GASK1A: variants seen among roughly 807,000 people sequenced by gnomAD.
GASK1A encodes the protein Golgi-associated kinase 1A.
GASK1A carries 40 observed loss-of-function variants against 41.2 expected under a neutral mutation model. That is an observed-to-expected ratio of 0.97 (90% CI 0.75 to 1.27). The LOEUF (loss-of-function observed/expected upper bound fraction) is 1.27. GASK1A is among the 50% of genes most tolerant of loss of function. The probability of loss-of-function intolerance (pLI) is 0.00; values close to 1 mark genes in which losing one functional copy is unlikely to be tolerated. For synonymous variants in GASK1A, 316 were observed against 307.1 expected, an observed-to-expected ratio of 1.03 and a Z score of -0.30; for missense variants, 678 against 745.1, an observed-to-expected ratio of 0.91 and a Z score of 1.05.
Position 42,979,594 on chromosome 3 carries a change from G to A in GASK1A, c.-49G>A. The A allele has an allele frequency of 8.1e-7, 1 of 1,240,428 alleles. No individual in the cohort carries two copies. Among genetic ancestry groups the A allele is most frequent in the Non-Finnish European group, 1.0e-6 (1 of 987,670 alleles). 76.8% of individuals were successfully genotyped at this position (1,240,428 alleles called of 1,614,324 possible). A position where few individuals can be genotyped will look rare whatever the true frequency, so the allele number is the denominator to read the frequency against. Reference sequence around the variant, plus strand: ...GGCCAAGGGGAGGCGGGATGAGTCTGCGAGCCGGCTGAGCGCGCCGAGGAG... The same window carrying A: ...GGCCAAGGGGAGGCGGGATGAGTCTACGAGCCGGCTGAGCGCGCCGAGGAG... On this transcript the variant is annotated 5_prime_UTR_variant, in exon 1 of 5. Transcript: ENST00000430121.
Position 43,056,454 on chromosome 3 carries a change from TGAG to T in GASK1A, c.*71_*73del. 2 of 1,358,720 alleles carry T rather than the reference TGAG, an allele frequency of 1.5e-6. No individual in the cohort carries two copies. Among genetic ancestry groups the T allele is most frequent in the Non-Finnish European group, 9.9e-7 (1 of 1,015,036 alleles). The allele number at this position is 1,358,720 out of a possible 1,614,324, so 84.2% of individuals were successfully genotyped here. ...CACATTTTCTTGGGCTCACTCATCTTGAGGACAAATGGGAAAAGCCAGAAGCCA... is the reference window on the plus strand; with the variant it reads ...CACATTTTCTTGGGCTCACTCATCTTGACAAATGGGAAAAGCCAGAAGCCA... On this transcript the variant is annotated 3_prime_UTR_variant, in exon 5 of 5. Transcript: ENST00000430121.
At chr3:42,993,860 A>G (rs1022334728) in intron 1 of GASK1A, among the ~76,000 whole-genome samples, 33 of 152,268 alleles carry the variant, frequency 2.2e-4, no homozygotes, top group Non-Finnish European at 4.1e-4. Context: ...ATTGTAGCAT[A>G]ACAACACAAT....
chr3:43,051,456 A>G (rs562222693), intron 2 of GASK1A, among the ~76,000 whole-genome samples: 2 of 152,216 alleles, frequency 1.3e-5, no homozygotes, highest in South Asian at 2.1e-4. Flanking sequence ...GTGCTTGTAT[A>G]GTCTCAAGGT....
At chr3:42,979,694 A>G (rs550825466) in intron 1 of GASK1A, 49 bp downstream of exon 1, 8 of 1,245,282 alleles carry the variant, frequency 6.4e-6, no homozygotes, top group Non-Finnish European at 8.1e-6. Context: ...GGCGATCACC[A>G]GGACAGGTGG....
rs866589678 is a variant in GASK1A at position 43,033,339 on chromosome 3, G to A, written c.1076G>A (p.Arg359Gln). The A allele has an allele frequency of 2.6e-5, 41 of 1,551,182 alleles. No homozygotes were observed. Among genetic ancestry groups the A allele is most frequent in the South Asian group, 5.9e-5 (5 of 84,034 alleles). ...RRFHSPLLPY[R>Q]YTDGGARPVI... ...TTCCATAGCCCCCTCCTGCCCTACC[G>A]ATACACAGACGGTGGAGCAAGGCCT... The change falls in exon 2 of 5, where the codon CGA (arginine) becomes CAA (glutamine). Residue 359 changes from arginine to glutamine, a missense_variant. Transcript: ENST00000430121.
intron 2 of GASK1A, among the ~76,000 whole-genome samples, chr3:43,035,906 G>A (rs956613563): frequency 6.6e-6 from 1 of 152,242 alleles, no homozygotes; most frequent in Non-Finnish European, 1.5e-5. Context: ...GGGCTGAGAA[G>A]CAGCCTGGAT....
At position 43,033,404 on chromosome 3, in the gene GASK1A, C is replaced by A; in HGVS notation, c.1141C>A (p.Pro381Thr). 2.6e-6 allele frequency: 4 copies of A among 1,551,604 alleles called. No individual in the cohort carries two copies. The highest frequency in any genetic ancestry group is 3.5e-6 in the Non-Finnish European group (4 of 1,146,992). Reference sequence around the variant, plus strand: ...ACCCGATGTGCAGCACCTGAGCGACCCAGATGAGGATCAGAACTCTCTGGC... The same window carrying A: ...ACCCGATGTGCAGCACCTGAGCGACACAGATGAGGATCAGAACTCTCTGGC... ...WAPDVQHLSD[P>T]DEDQNSLALG... Residue 381 changes from proline (P) to threonine (T), a missense_variant, in exon 2 of 5, where the codon CCA becomes ACA. Coordinates refer to ENST00000430121, the MANE Select transcript of GASK1A (RefSeq NM_001129908.3).
chr3:43,032,879 G>T lies in GASK1A; in HGVS notation c.616G>T (p.Ala206Ser). ...AGCAGAAGGCAGGGATCTGCTGGGA[G>T]CTGAGAACAGAGCCTTGACTGGTGG... Reference protein sequence around the residue: ...HTAEGRDLLGAENRALTGGQQ... With the variant: ...HTAEGRDLLGSENRALTGGQQ... Residue 206 changes from alanine to serine, a missense_variant, in exon 2 of 5, where the codon GCT becomes TCT. Physicochemically the swap from Ala to Ser is moderately conservative, Grantham distance 99. Coordinates refer to ENST00000430121, the MANE Select transcript of GASK1A (RefSeq NM_001129908.3). The T allele has an allele frequency of 6.4e-7, 1 of 1,550,448 alleles. No homozygotes were observed. The highest frequency in any genetic ancestry group is 8.7e-7 in the Non-Finnish European group (1 of 1,147,012).
Position 43,033,413 on chromosome 3 carries a change from G to A in GASK1A, c.1150G>A (p.Asp384Asn), listed in dbSNP as rs958646266. Reference sequence around the variant, plus strand: ...GCAGCACCTGAGCGACCCAGATGAGGATCAGAACTCTCTGGCCTTGGGCTG... The same window carrying A: ...GCAGCACCTGAGCGACCCAGATGAGAATCAGAACTCTCTGGCCTTGGGCTG... The part of the protein sequence containing the change: ...DVQHLSDPDE[D>N]QNSLALGWLQ... The change falls in exon 2 of 5, where the codon GAT becomes AAT. Residue 384 changes from aspartate to asparagine, a missense_variant. Physicochemically the swap from Asp to Asn is conservative, Grantham distance 23. Transcript: ENST00000430121. 52 of 1,551,482 alleles carry A rather than the reference G, an allele frequency of 3.4e-5. No individual in the cohort carries two copies. The Admixed American group carries it at 3.9e-4, about 12-fold the overall frequency.
chr3:43,004,975 A>G (rs765110479), intron 1 of GASK1A, among the ~76,000 whole-genome samples: 4 of 152,158 alleles, frequency 2.6e-5, no homozygotes, highest in Non-Finnish European at 5.9e-5. Flanking sequence ...TGCCACCTCT[A>G]TCCTTTAGAG....
At chr3:42,994,122 C>T (rs1455042666) in intron 1 of GASK1A, among the ~76,000 whole-genome samples, 2 of 152,132 alleles carry the variant, frequency 1.3e-5, no homozygotes, top group East Asian at 3.9e-4. Flanking sequence ...TGGACTTAGC[C>T]CTTGCATTTT....
At chr3:43,001,917 C>A (rs917269093) in intron 1 of GASK1A, among the ~76,000 whole-genome samples, 2 of 152,172 alleles carry the variant, frequency 1.3e-5, no homozygotes, top group Non-Finnish European at 2.9e-5. Flanking sequence ...CACCCTCTTT[C>A]CCACCCGCAG....
chr3:42,986,244 T>A (rs1387433563), intron 1 of GASK1A, among the ~76,000 whole-genome samples: 2 of 152,188 alleles, frequency 1.3e-5, no homozygotes, highest in African/African-American at 4.8e-5. Flanking sequence ...ACTGTGGTAT[T>A]CCTTTTAAAT....
chr3:42,998,666 T>C (rs1163120543), intron 1 of GASK1A, among the ~76,000 whole-genome samples: 1 of 152,158 alleles, frequency 6.6e-6, no homozygotes, highest in Non-Finnish European at 1.5e-5. Flanking sequence ...TGTCTCTGCC[T>C]CCTGCTATGA....
chr3:43,046,889 T>C (rs2089666008), intron 2 of GASK1A, among the ~76,000 whole-genome samples: 1 of 152,190 alleles, frequency 6.6e-6, no homozygotes, highest in Non-Finnish European at 1.5e-5. Flanking sequence ...GCCCCAAACC[T>C]TCTAGGCCTC....
chr3:43,032,793 G>C lies in GASK1A; in HGVS notation c.530G>C (p.Ser177Thr), dbSNP rs1007001782. 1.9e-6 allele frequency: 3 copies of C among 1,550,768 alleles called. No individual in the cohort carries two copies. Among genetic ancestry groups the C allele is most frequent in the Non-Finnish European group, 2.6e-6 (3 of 1,147,016 alleles). The stretch of plus-strand genomic sequence containing the variant: ...ACCCTGGTCAGTCCACTCCCAGGGA[G>C]TGACATGGCAGCTTTACCGGCTTGG... ...VVTLVSPLPG[S>T]DMAALPAWRA... is the part of the protein sequence containing the mutation. The change falls in exon 2 of 5, where the codon AGT becomes ACT. Residue 177 changes from serine (S) to threonine (T), a missense_variant. Transcript: ENST00000430121.
chr3:43,013,102 A>C (rs1444480620), intron 1 of GASK1A, among the ~76,000 whole-genome samples: 1 of 150,014 alleles, frequency 6.7e-6, no homozygotes, highest in Non-Finnish European at 1.5e-5. Context: ...GTGGAAAGTC[A>C]CAAGAAGGAG....
chr3:42,981,814 A>G (rs890464498), intron 1 of GASK1A, among the ~76,000 whole-genome samples: 1 of 152,206 alleles, frequency 6.6e-6, no homozygotes, highest in Non-Finnish European at 1.5e-5. Context: ...ATGCTATATC[A>G]TTTCCCATTA....
intron 3 of GASK1A, chr3:43,053,977 T>C (rs1029123675): frequency 2.6e-6 from 1 of 387,504 alleles, no homozygotes; most frequent in Admixed American, 3.6e-5. Flanking sequence ...AACATCCTCG[T>C]TGTGCCAGTA....
Sources: allele counts gnomAD v4.1 joint callset (sites outside exome capture counted in the v4.1 genomes callset), GRCh38; gene constraint gnomAD v4.1.1; transcripts MANE v1.5; gene names NCBI Gene and HGNC (gene_info 2026-07-23, HGNC 2026-07-21).